The following ABHD18 variants were observed in gnomAD, a reference collection of about 807,000 sequenced individuals.
The protein encoded by ABHD18 is abhydrolase domain containing 18, also known as cardiolipin-specific deacylase, mitochondrial.
In ABHD18, 55 loss-of-function variants were observed where a neutral mutation model predicts 65.9. The observed-to-expected ratio is 0.84, with a 90% CI of 0.67 to 1.05. The LOEUF (loss-of-function observed/expected upper bound fraction) is 1.05. ABHD18 is among the 50% of genes least tolerant of loss of function. ABHD18 has a pLI of 0.00. For synonymous variants in ABHD18, 181 were observed against 180.2 expected (o/e 1.00, Z -0.04); for missense variants, 533 against 558.5 (o/e 0.95, Z 0.46).
At chr4:128,024,266 A>T (rs1422606585) in intron 10 of ABHD18, among the ~76,000 whole-genome samples, 1 of 152,202 alleles carries the variant, frequency 6.6e-6, no homozygotes, top group Non-Finnish European at 1.5e-5. Flanking sequence ...TTCTTTTATC[A>T]GGAATCCATT....
chr4:128,017,488 C>A lies in ABHD18; in HGVS notation c.596C>A (p.Ser199Tyr), dbSNP rs762540377. The A allele has an allele frequency of 5.6e-6, 9 of 1,611,050 alleles. No individual in the cohort carries two copies. Among genetic ancestry groups the A allele is most frequent in the Non-Finnish European group, 7.6e-6 (9 of 1,179,024 alleles). Residue 199 changes from serine (S) to tyrosine (Y), a missense_variant, in exon 8 of 13, where the codon TCC (serine) becomes TAC (tyrosine). Around this residue, in one of 3 missense-constraint regions of ABHD18, gnomAD observed 309 missense variants for 313.5 expected, o/e 0.99. Coordinates refer to ENST00000645843, the MANE Select transcript of ABHD18 (RefSeq NM_001358451.3). ...GGCCCTTTAGGAATGACTGGAATATCCATGGGAGGACACGTAAGCCTTTTT... is the reference window on the plus strand; with the variant it reads ...GGCCCTTTAGGAATGACTGGAATATACATGGGAGGACACGTAAGCCTTTTT... ...GYGPLGMTGI[S>Y]MGGHMASLAV...
rs907821920 is a variant in ABHD18 at position 128,037,747 on chromosome 4, A to T, written c.*1934A>T. 1.3e-5 allele frequency: 2 copies of T among 152,128 alleles called. No individual in the cohort carries two copies. Among genetic ancestry groups the T allele is most frequent in the African/African-American group, 4.8e-5 (2 of 41,436 alleles). 9.4% of individuals were successfully genotyped at this position (152,128 alleles called of 1,614,324 possible). ...AACAGCCTTGGCTTTTAATTTCAAA[A>T]TTTAATAGACACATATGCAATTGAT... On this transcript the variant is annotated 3_prime_UTR_variant, in exon 13 of 13. Transcript: ENST00000645843.
chr4:128,017,056 C>T (rs1755637480), intron 7 of ABHD18, among the ~76,000 whole-genome samples: 1 of 151,942 alleles, frequency 6.6e-6, no homozygotes, highest in South Asian at 2.1e-4. Flanking sequence ...TAGCTGAGAT[C>T]ACAGGCATGC....
chr4:127,974,008 A>G (rs542728673), intron 1 of ABHD18, among the ~76,000 whole-genome samples: 2 of 151,946 alleles, frequency 1.3e-5, no homozygotes, highest in African/African-American at 4.8e-5. Flanking sequence ...AGAAAACCCA[A>G]CTAGGCTGGG....
rs1759062196 is a variant in ABHD18, at chr4:128,038,412, ATACTT to A, written c.*2602_*2606del. On this transcript the variant is annotated 3_prime_UTR_variant, in exon 13 of 13. Transcript: ENST00000645843. ...TTGAACAATGGTTTTAGTAAAACAA[ATACTT>A]TATTATTGTTCACATAAACATTTCT... 1 of 152,350 alleles carries A rather than the reference ATACTT, an allele frequency of 6.6e-6. No homozygotes were observed. Among genetic ancestry groups the A allele is most frequent in the South Asian group, 2.1e-4 (1 of 4,832 alleles). The allele number at this position is 152,350 out of a possible 1,614,324, so 9.4% of individuals were successfully genotyped here.
rs2149205509 is a variant in ABHD18, at chr4:128,036,517, G to A, written c.*704G>A. 6.6e-6 allele frequency: 1 copy of A among 152,380 alleles called. No individual in the cohort carries two copies. The highest frequency in any genetic ancestry group is 2.1e-4 in the South Asian group (1 of 4,832). The allele number at this position is 152,380 out of a possible 1,614,324, so 9.4% of individuals were successfully genotyped here. A position where few individuals can be genotyped will look rare whatever the true frequency, so the allele number is the denominator to read the frequency against. On this transcript the variant is annotated 3_prime_UTR_variant, in exon 13 of 13. Transcript: ENST00000645843. ...ATGCTGAAGCGGGCAGATTACCTGA[G>A]GTTGGGAGTTCAAGACCAGCCTGAC...
At chr4:128,032,927 A>C (rs137874492) in intron 12 of ABHD18, among the ~76,000 whole-genome samples, 49 of 152,184 alleles carry the variant, frequency 3.2e-4, no homozygotes, top group African/African-American at 1.1e-3. Flanking sequence ...CCACAAGAGC[A>C]AGTGCCTGGA....
At chr4:127,996,720 C>A (rs1181770189) in intron 4 of ABHD18, among the ~76,000 whole-genome samples, 1 of 152,164 alleles carries the variant, frequency 6.6e-6, no homozygotes, top group African/African-American at 2.4e-5. Context: ...CTGCATAAGA[C>A]AGACACTCCC....
chr4:128,001,603 C>G, intron 4 of ABHD18: 1 of 964,274 alleles, frequency 1.0e-6, no homozygotes, highest in Non-Finnish European at 1.4e-6. Context: ...TGTAAAGATG[C>G]CTTTATTATC....
intron 10 of ABHD18, among the ~76,000 whole-genome samples, chr4:128,027,245 T>A (rs1757503438): frequency 2.0e-5 from 3 of 152,148 alleles, no homozygotes; most frequent in Admixed American, 2.0e-4. Flanking sequence ...TAGATTTACG[T>A]AAATACATTG....
chr4:128,005,205 T>G (rs1195037928), intron 4 of ABHD18, among the ~76,000 whole-genome samples: 1 of 152,192 alleles, frequency 6.6e-6, no homozygotes, highest in Non-Finnish European at 1.5e-5. Context: ...CTCCGGCTTT[T>G]GCAACCAGTG....
chr4:127,994,544 G>A (rs1751436438), intron 4 of ABHD18, among the ~76,000 whole-genome samples: 1 of 152,064 alleles, frequency 6.6e-6, no homozygotes, highest in Non-Finnish European at 1.5e-5. Context: ...CCGAGATCGT[G>A]CCATTGCACT....
At chr4:128,032,913 C>A (rs947498559) in intron 12 of ABHD18, among the ~76,000 whole-genome samples, 2 of 152,132 alleles carry the variant, frequency 1.3e-5, no homozygotes, top group Admixed American at 1.3e-4. Context: ...AATTCAGATT[C>A]ATTCCACAAG....
At chr4:128,025,666 TATA>T (rs1327986341) in intron 10 of ABHD18, among the ~76,000 whole-genome samples, 1 of 152,176 alleles carries the variant, frequency 6.6e-6, no homozygotes, top group Non-Finnish European at 1.5e-5. Flanking sequence ...GAGTCAAGGG[TATA>T]ATAATGTAGT....
intron 3 of ABHD18, among the ~76,000 whole-genome samples, chr4:127,985,861 G>T (rs577843908): frequency 6.6e-6 from 1 of 152,100 alleles, no homozygotes; most frequent in East Asian, 1.9e-4. Context: ...ACAAAAATTA[G>T]CTGGGCATGG....
intron 2 of ABHD18, 147 bp from the exon 3 acceptor site, chr4:127,984,192 G>A (rs1749574499): frequency 2.1e-6 from 1 of 468,714 alleles, no homozygotes. Flanking sequence ...CAGCCTAATC[G>A]CTTCAGTGAT....
At chr4:128,002,200 G>A (rs536847016) in intron 4 of ABHD18, among the ~76,000 whole-genome samples, 10 of 151,774 alleles carry the variant, frequency 6.6e-5, no homozygotes, top group Admixed American at 1.3e-4. Flanking sequence ...ACTTGAACCC[G>A]GGAGATGGAG....
At chr4:128,018,400 T>C (rs1755874844) in intron 8 of ABHD18, among the ~76,000 whole-genome samples, 1 of 152,102 alleles carries the variant, frequency 6.6e-6, no homozygotes, top group African/African-American at 2.4e-5. Flanking sequence ...TGTGGGCCAC[T>C]GCACCTGGCC....
At chr4:127,996,564 G>A (rs572340510) in intron 4 of ABHD18, among the ~76,000 whole-genome samples, 2 of 152,292 alleles carry the variant, frequency 1.3e-5, no homozygotes, top group East Asian at 1.9e-4. Flanking sequence ...CGCTGTACAT[G>A]CATTGTCTTG....
Sources: gnomAD v4.1 joint callset for allele counts (sites outside exome capture counted in the v4.1 genomes callset) on GRCh38, gnomAD v4.1.1 for gene constraint, gnomAD v4.1.1 regional missense constraint, MANE v1.5 for transcripts, NCBI Gene and HGNC (gene_info 2026-07-23, HGNC 2026-07-21) for gene names.